AAGAB: variants seen among roughly 807,000 people sequenced by gnomAD.
The protein encoded by AAGAB is alpha and gamma adaptin binding protein, also known as alpha- and gamma-adaptin-binding protein p34.
A neutral mutation model predicts 44.1 loss-of-function variants in AAGAB; 38 were observed. The ratio of observed to expected loss-of-function variants is 0.86; its 90% CI spans 0.67 to 1.13. AAGAB has a LOEUF of 1.13. AAGAB is among the 50% of genes most tolerant of loss of function. AAGAB has a pLI of 0.00. For synonymous variants in AAGAB, 131 were observed against 131.8 expected, an observed-to-expected ratio of 0.99 and a Z score of 0.04; for missense variants, 450 against 373.8, an observed-to-expected ratio of 1.20 and a Z score of -1.68.
rs776166893 is a variant in AAGAB at position 67,236,479 on chromosome 15, G to A, written c.290C>T (p.Ser97Leu). The A allele has an allele frequency of 5.6e-6, 9 of 1,614,012 alleles. No homozygotes were observed. In the African/African-American group the frequency reaches 1.2e-4, roughly 22 times the overall value. The change falls in exon 3 of 10, where the codon TCA becomes TTA. Residue 97 changes from serine to leucine, a missense_variant. Transcript: ENST00000261880. ...TQKSGLDSVS[S>L]WLPLAKAWLP... ...CCATGCTTTTGCCAGTGGAAGCCAT[G>A]AGGAGACACTATCAAGGCCCGATTT...
chr15:67,250,457 G>A (rs1398606298), intron 1 of AAGAB, among the ~76,000 whole-genome samples: 5 of 152,132 alleles, frequency 3.3e-5, no homozygotes, highest in African/African-American at 4.8e-5. Context: ...GATTACAGGC[G>A]TGAGCCACCA....
At chr15:67,253,728 CG>C (rs1214772624) in intron 1 of AAGAB, among the ~76,000 whole-genome samples, 1 of 151,002 alleles carries the variant, frequency 6.6e-6, no homozygotes, top group Admixed American at 6.6e-5. Context: ...CACTCCAGCC[CG>C]GGCGACAGAG....
intron 1 of AAGAB, 183 bp downstream of exon 1, chr15:67,254,376 G>A: frequency 7.2e-7 from 1 of 1,389,532 alleles, no homozygotes; most frequent in Non-Finnish European, 9.4e-7. Context: ...AGGCCGAGTG[G>A]GCAGAAAAGC....
chr15:67,245,653 G>C (rs539412461), intron 1 of AAGAB, among the ~76,000 whole-genome samples: 7 of 152,176 alleles, frequency 4.6e-5, no homozygotes, highest in Non-Finnish European at 1.0e-4. Flanking sequence ...CACAGAAACT[G>C]GGAGATACTG....
intron 5 of AAGAB, among the ~76,000 whole-genome samples, chr15:67,222,234 GCGCGCGCGCACA>G (rs1252650352): frequency 1.2e-4 from 5 of 43,166 alleles, no homozygotes; most frequent in African/African-American, 5.1e-4. Context: ...ACGCGCACGC[GCGCGCGCGCACA>G]CACACACACA....
At chr15:67,245,838 C>A (rs184611523) in intron 1 of AAGAB, among the ~76,000 whole-genome samples, 1 of 151,958 alleles carries the variant, frequency 6.6e-6, no homozygotes, top group East Asian at 1.9e-4. Flanking sequence ...ATTTTTTTTC[C>A]CCCACAGAAA....
chr15:67,215,285 C>T (rs537824579), intron 5 of AAGAB, among the ~76,000 whole-genome samples: 1 of 152,320 alleles, frequency 6.6e-6, no homozygotes, highest in South Asian at 2.1e-4. Context: ...GCTAAGTATA[C>T]AGGAGAGATG....
Position 67,222,221 on chromosome 15 carries a change from TGCACGCGCAC to T in AAGAB, c.535+9583_535+9592del, listed in dbSNP as rs1285516589. Among the ~76,000 whole-genome samples the T allele has an allele frequency of 8.8e-3, 1,025 of 116,124 alleles. 16 individuals are homozygous for T. The highest frequency in any genetic ancestry group is 0.03 in the African/African-American group (986 of 32,988). 76.2% of individuals were successfully genotyped at this position (116,124 alleles called of 152,430 possible). ...AAAGCAGAACTGATTACTACATGCATGCACGCGCACGCGCGCGCGCGCACACACACACACA... is the reference window on the plus strand; with the variant it reads ...AAAGCAGAACTGATTACTACATGCATGCGCGCGCGCGCACACACACACACA... On this transcript the variant is annotated intron_variant, in intron 5 of 9. Transcript: ENST00000261880.
chr15:67,217,395 T>C (rs1963975018), intron 5 of AAGAB, among the ~76,000 whole-genome samples: 1 of 152,220 alleles, frequency 6.6e-6, no homozygotes, highest in East Asian at 1.9e-4. Flanking sequence ...TTTGATATTG[T>C]TTTATTTTCT....
At chr15:67,214,679 C>G (rs916665257) in intron 5 of AAGAB, among the ~76,000 whole-genome samples, 2 of 151,638 alleles carry the variant, frequency 1.3e-5, no homozygotes, top group African/African-American at 4.8e-5. Context: ...CTCGCTCTGT[C>G]ACCCAGGCTG....
At chr15:67,241,081 T>C (rs7171936) in intron 1 of AAGAB, among the ~76,000 whole-genome samples, 2,121 of 117,112 alleles carry the variant, frequency 0.018, 51 homozygotes, top group African/African-American at 0.056. Flanking sequence ...ATTTTATCTA[T>C]ATATAAACAT....
chr15:67,250,602 T>C (rs1487577511), intron 1 of AAGAB, among the ~76,000 whole-genome samples: 1 of 152,192 alleles, frequency 6.6e-6, no homozygotes, highest in Non-Finnish European at 1.5e-5. Flanking sequence ...AATATACTTT[T>C]CCAGAATAAA....
intron 5 of AAGAB, among the ~76,000 whole-genome samples, chr15:67,225,812 T>C (rs1210686820): frequency 2.0e-5 from 3 of 152,246 alleles, no homozygotes; most frequent in East Asian, 1.9e-4. Flanking sequence ...TTGGCATTTA[T>C]GAATAATACT....
In AAGAB at chr15:67,231,963, C is replaced by CA. The variant is rs1964347676; in HGVS notation, c.452-67dup. ...TCACACAGATATACATATACATTCA[C>CA]AAAAATGTGGCCAGGCACGGTGGCT... On this transcript the variant is annotated intron_variant, in intron 4 of 9. Coordinates refer to ENST00000261880, the MANE Select transcript of AAGAB (RefSeq NM_024666.5). 5 of 1,410,280 alleles carry CA rather than the reference C, an allele frequency of 3.5e-6. No individual in the cohort carries two copies. In the East Asian group the frequency reaches 9.6e-5, roughly 27 times the overall value. 87.4% of individuals were successfully genotyped at this position (1,410,280 alleles called of 1,614,324 possible).
rs779198603 is a variant in AAGAB, at chr15:67,236,812, C to T, written c.82G>A (p.Gly28Arg). 8.7e-6 allele frequency: 14 copies of T among 1,601,776 alleles called. No homozygotes were observed. The highest frequency in any genetic ancestry group is 1.7e-5 in the Admixed American group (1 of 57,666). The change falls in exon 2 of 10, where the codon GGA becomes AGA. Residue 28 changes from glycine to arginine, a missense_variant. Gly to Arg is a moderately radical substitution (Grantham distance 125). Transcript: ENST00000261880. ...SGDQLVQHIL[G>R]TEDLIVEVTS... ...ACTTCCACAATAAGATCTTCTGTTC[C>T]AAGGATATCTAAAAATAAATGACAA... is the stretch of plus-strand genomic sequence containing the variant.
chr15:67,229,169 C>G (rs1383222032), intron 5 of AAGAB, among the ~76,000 whole-genome samples: 1 of 152,192 alleles, frequency 6.6e-6, no homozygotes, highest in East Asian at 1.9e-4. Context: ...CGGGGTGGCT[C>G]ACGCCTGTAA....
intron 1 of AAGAB, among the ~76,000 whole-genome samples, chr15:67,247,933 A>G (rs2140397629): frequency 6.6e-6 from 1 of 152,332 alleles, no homozygotes. Flanking sequence ...GAATCCACAC[A>G]GTCTAGTTGC....
Position 67,204,133 on chromosome 15 carries a change from A to AG in AAGAB, c.730dup (p.Leu244ProfsTer20). Reference sequence around the variant, plus strand: ...AAGACTGGCTAATTCTTGAATATCCAGATCTAACATGGGATCTGAAATAGG... The same window carrying AG: ...AAGACTGGCTAATTCTTGAATATCCAGGATCTAACATGGGATCTGAAATAGG... On this transcript the variant is annotated frameshift_variant, in exon 8 of 10. Coordinates refer to ENST00000261880, the MANE Select transcript of AAGAB (RefSeq NM_024666.5). LOFTEE classifies it high-confidence loss of function. The AG allele has an allele frequency of 6.2e-7, 1 of 1,607,504 alleles. No homozygotes were observed. The highest frequency in any genetic ancestry group is 8.5e-7 in the Non-Finnish European group (1 of 1,174,408).
intron 5 of AAGAB, among the ~76,000 whole-genome samples, chr15:67,212,126 C>A (rs1421831490): frequency 6.6e-6 from 1 of 152,140 alleles, no homozygotes; most frequent in East Asian, 1.9e-4. Flanking sequence ...CGTGATGCGC[C>A]CGCCTTGGCC....
Sources: allele counts gnomAD v4.1 joint callset (sites outside exome capture counted in the v4.1 genomes callset), GRCh38; gene constraint gnomAD v4.1.1; transcripts MANE v1.5; gene names NCBI Gene and HGNC (gene_info 2026-07-23, HGNC 2026-07-21).